The following EXOC6B variants were observed in gnomAD, a reference collection of about 807,000 sequenced individuals.
The protein encoded by EXOC6B is exocyst complex component 6B.
In EXOC6B, 54 loss-of-function variants were observed where a neutral mutation model predicts 113.5. That is an observed-to-expected ratio of 0.48 (90% CI 0.38 to 0.60). EXOC6B has a LOEUF of 0.60. EXOC6B is among the 20% of genes least tolerant of loss of function. EXOC6B has a pLI of 0.00. For missense variants in EXOC6B, 797 were observed against 977.5 expected, an observed-to-expected ratio of 0.82 and a Z score of 2.46; for synonymous variants, 357 against 339.0, an observed-to-expected ratio of 1.05 and a Z score of -0.58.
At chr2:72,197,628 A>G (rs1316276086) in intron 20 of EXOC6B, among the ~76,000 whole-genome samples, 2 of 151,998 alleles carry the variant, frequency 1.3e-5, no homozygotes. Context: ...GACAATGAGG[A>G]TCTGGATTGG....
intron 1 of EXOC6B, among the ~76,000 whole-genome samples, chr2:72,761,477 A>G (rs1180266393): frequency 6.6e-6 from 1 of 152,166 alleles, no homozygotes; most frequent in Non-Finnish European, 1.5e-5. Context: ...TCCAATTTAT[A>G]AGGTAACTTG....
At chr2:72,188,532 C>G (rs898592669) in intron 20 of EXOC6B, among the ~76,000 whole-genome samples, 1 of 152,066 alleles carries the variant, frequency 6.6e-6, no homozygotes, top group African/African-American at 2.4e-5. Context: ...ACTAAGTTAG[C>G]TGCTTGGAGG....
At chr2:72,377,928 A>G (rs1691451997) in intron 19 of EXOC6B, among the ~76,000 whole-genome samples, 2 of 151,446 alleles carry the variant, frequency 1.3e-5, no homozygotes, top group South Asian at 4.1e-4. Flanking sequence ...TACATATTTC[A>G]AAACAACAAA....
chr2:72,816,429 C>T (rs961664090), intron 1 of EXOC6B, among the ~76,000 whole-genome samples: 14 of 152,124 alleles, frequency 9.2e-5, no homozygotes, highest in Admixed American at 4.6e-4. Flanking sequence ...TATACAATAA[C>T]ACTATTTATT....
At chr2:72,645,968 AC>A (rs1673674060) in intron 6 of EXOC6B, among the ~76,000 whole-genome samples, 2 of 152,196 alleles carry the variant, frequency 1.3e-5, no homozygotes, top group Non-Finnish European at 2.9e-5. Flanking sequence ...AGATAGAGAC[AC>A]AAAAAACCCT....
intron 19 of EXOC6B, among the ~76,000 whole-genome samples, chr2:72,341,162 ATAATT>A (rs1189994475): frequency 1.3e-5 from 2 of 152,166 alleles, no homozygotes; most frequent in African/African-American, 2.4e-5. Flanking sequence ...TTGCGTTTTT[ATAATT>A]TAAATATGAA....
intron 8 of EXOC6B, among the ~76,000 whole-genome samples, chr2:72,533,291 C>T (rs7420667): frequency 0.61 from 93,209 of 152,030 alleles, 34,852 homozygotes; most frequent in East Asian, 0.99. Context: ...AGCACCTGCC[C>T]CTCCCCTCCT....
chr2:72,652,461 G>A (rs1345670010), intron 6 of EXOC6B, among the ~76,000 whole-genome samples: 4 of 152,004 alleles, frequency 2.6e-5, no homozygotes, highest in African/African-American at 9.7e-5. Context: ...GATCATTCAA[G>A]TCAACATTGC....
At chr2:72,427,349 T>G (rs1438367778) in intron 18 of EXOC6B, among the ~76,000 whole-genome samples, 1 of 152,100 alleles carries the variant, frequency 6.6e-6, no homozygotes, top group Non-Finnish European at 1.5e-5. Context: ...GCGCAGGACT[T>G]GGGTGTCTCT....
chr2:72,665,092 C>T (rs991802217), intron 6 of EXOC6B, among the ~76,000 whole-genome samples: 13 of 152,106 alleles, frequency 8.5e-5, no homozygotes, highest in East Asian at 1.9e-4. Flanking sequence ...TCCGCAGGGC[C>T]GGTCTGGGAA....
At chr2:72,498,606 G>GTTTTTT in intron 12 of EXOC6B, 55 bp from the exon 13 acceptor site, 2 of 843,758 alleles carry the variant, frequency 2.4e-6, no homozygotes, top group Non-Finnish European at 3.4e-6. Flanking sequence ...TTTTTTTTCG[G>GTTTTTT]TTTTTTTTTT....
At chr2:72,310,850 A>AACACACACACAC (rs375159478) in intron 20 of EXOC6B, among the ~76,000 whole-genome samples, 2 of 120,290 alleles carry the variant, frequency 1.7e-5, no homozygotes, top group Admixed American at 7.8e-5. Flanking sequence ...TATTTCATTT[A>AACACACACACAC]ACACACACAC....
At chr2:72,443,320 C>CAAAAAAAA (rs61290907) in intron 18 of EXOC6B, among the ~76,000 whole-genome samples, 1 of 92,766 alleles carries the variant, frequency 1.1e-5, no homozygotes, top group African/African-American at 3.2e-5. Context: ...GAGATTCTGT[C>CAAAAAAAA]AAAAAAAAAA....
At chr2:72,513,660 T>TAA (rs1461112504) in intron 10 of EXOC6B, among the ~76,000 whole-genome samples, 2 of 151,852 alleles carry the variant, frequency 1.3e-5, no homozygotes, top group Non-Finnish European at 2.9e-5. Flanking sequence ...TATATATATA[T>TAA]AATGTATTCT....
At chr2:72,204,279 A>G (rs931834842) in intron 20 of EXOC6B, among the ~76,000 whole-genome samples, 12 of 152,140 alleles carry the variant, frequency 7.9e-5, no homozygotes, top group African/African-American at 2.9e-4. Context: ...AATGTATCAG[A>G]GCAAACACCT....
At chr2:72,422,200 T>TGAGGAATGCA (rs1481218188) in intron 18 of EXOC6B, among the ~76,000 whole-genome samples, 1 of 152,184 alleles carries the variant, frequency 6.6e-6, no homozygotes, top group East Asian at 1.9e-4. Flanking sequence ...ACCCAAGGGC[T>TGAGGAATGCA]GAGGAATGCA....
intron 20 of EXOC6B, among the ~76,000 whole-genome samples, chr2:72,233,300 G>A (rs1681747241): frequency 6.6e-6 from 1 of 152,100 alleles, no homozygotes; most frequent in Admixed American, 6.5e-5. Flanking sequence ...GAAGGGGCTG[G>A]TGAACACTGA....
chr2:72,352,987 A>G (rs1223428466), intron 19 of EXOC6B, among the ~76,000 whole-genome samples: 1 of 152,228 alleles, frequency 6.6e-6, no homozygotes, highest in Non-Finnish European at 1.5e-5. Flanking sequence ...GTACCAGTGT[A>G]AACACTGGGA....
intron 20 of EXOC6B, among the ~76,000 whole-genome samples, chr2:72,281,119 A>G (rs1274691014): frequency 6.6e-6 from 1 of 152,218 alleles, no homozygotes; most frequent in Non-Finnish European, 1.5e-5. Context: ...TACCTATAAT[A>G]GTTGGTATGA....
Sources: gnomAD v4.1 joint callset for allele counts (sites outside exome capture counted in the v4.1 genomes callset) on GRCh38, gnomAD v4.1.1 for gene constraint, MANE v1.5 for transcripts, NCBI Gene and HGNC (gene_info 2026-07-23, HGNC 2026-07-21) for gene names.